Variants in GNAI3 observed in about 807,000 individuals in gnomAD.
The protein encoded by GNAI3 is guanine nucleotide-binding protein G(i) subunit alpha-3.
Under a neutral mutation model 41.8 loss-of-function variants are expected in GNAI3, and 12 were observed. The observed-to-expected ratio is 0.29, with a 90% CI of 0.18 to 0.47. The LOEUF is 0.47. Among genes scored for constraint, GNAI3 ranks in the 20% least tolerant of loss-of-function variants. GNAI3 has a pLI of 1.00. For missense variants in GNAI3, 360 were observed against 429.6 expected (o/e 0.84, Z 1.43); for synonymous variants, 132 against 146.5 (o/e 0.90, Z 0.71).
intron 1 of GNAI3, among the ~76,000 whole-genome samples, chr1:109,572,685 A>G (rs1648636135): frequency 6.6e-6 from 1 of 152,138 alleles, no homozygotes; most frequent in Non-Finnish European, 1.5e-5. Context: ...GTGTGGGGTC[A>G]AGGAAAGTTA....
In GNAI3 at chr1:109,574,036, C is replaced by T. The variant is rs1375149399; in HGVS notation, c.302C>T (p.Ala101Val). ...LKIDFGEAAR[A>V]DDARQLFVLA... ...ATTGACTTTGGGGAAGCTGCCAGGG[C>T]AGTAAGTGTTTCTCATTTCCTCTTC... The change falls in exon 3 of 9, where the codon GCA becomes GTA. Residue 101 changes from alanine to valine, a missense_variant and splice_region_variant. Coordinates refer to ENST00000369851, the MANE Select transcript of GNAI3 (RefSeq NM_006496.4). The T allele has an allele frequency of 6.2e-7, 1 of 1,602,528 alleles. No homozygotes were observed. Among genetic ancestry groups the T allele is most frequent in the South Asian group, 1.1e-5 (1 of 88,526 alleles).
intron 1 of GNAI3, among the ~76,000 whole-genome samples, chr1:109,556,136 C>T (rs1648146166): frequency 6.6e-6 from 1 of 151,816 alleles, no homozygotes; most frequent in Non-Finnish European, 1.5e-5. Flanking sequence ...ACTGCAACCT[C>T]TGCCTCCCAG....
chr1:109,556,444 C>T (rs757323821), intron 1 of GNAI3, among the ~76,000 whole-genome samples: 11 of 152,058 alleles, frequency 7.2e-5, no homozygotes, highest in African/African-American at 1.7e-4. Context: ...GTTCAAAACG[C>T]GGAAGAAAAA....
chr1:109,566,743 A>C (rs557827516), intron 1 of GNAI3, among the ~76,000 whole-genome samples: 9 of 152,252 alleles, frequency 5.9e-5, no homozygotes, highest in African/African-American at 1.7e-4. Flanking sequence ...TTGTATTTTT[A>C]GTAGAGATGA....
chr1:109,563,255 C>T (rs778414989), intron 1 of GNAI3, among the ~76,000 whole-genome samples: 22 of 152,164 alleles, frequency 1.4e-4, no homozygotes, highest in Middle Eastern at 3.2e-3. Context: ...GTGATGTGCA[C>T]CTGTGGTCCC....
rs972730416 is a variant in GNAI3, at chr1:109,596,077, G to A, written c.*3755G>A. 2 of 152,112 alleles carry A rather than the reference G, an allele frequency of 1.3e-5. No individual in the cohort carries two copies. The highest frequency in any genetic ancestry group is 4.8e-5 in the African/African-American group (2 of 41,418). The allele number at this position is 152,112 out of a possible 1,614,324, so 9.4% of individuals were successfully genotyped here. ...AGCTTTATGATCATCATATTTTGTT[G>A]TATTGCTCCCAACAAGCACAAGAGA... On this transcript the variant is annotated 3_prime_UTR_variant, in exon 9 of 9. Transcript: ENST00000369851.
intron 3 of GNAI3, among the ~76,000 whole-genome samples, chr1:109,576,989 TA>T (rs1311541934): frequency 6.8e-6 from 1 of 148,028 alleles, no homozygotes; most frequent in African/African-American, 2.5e-5. Flanking sequence ...TTGAAGTTTC[TA>T]AAATTAGAGT....
chr1:109,555,051 C>T (rs111601054), intron 1 of GNAI3, among the ~76,000 whole-genome samples: 2,340 of 152,214 alleles, frequency 0.015, 68 homozygotes, highest in African/African-American at 0.053. Flanking sequence ...CAAATGGAAA[C>T]ACGTCCCATG....
intron 7 of GNAI3, chr1:109,591,683 A>G (rs1001707638): frequency 1.0e-5 from 4 of 400,182 alleles, no homozygotes; most frequent in African/African-American, 8.3e-5. Flanking sequence ...CAAGGAACAC[A>G]GCCTCTCTCA....
intron 1 of GNAI3, 129 bp from the exon 2 acceptor site, chr1:109,573,608 C>A: frequency 2.9e-6 from 2 of 688,926 alleles, no homozygotes; most frequent in Admixed American, 2.5e-5. Flanking sequence ...TCTTGATAGA[C>A]ATGAAAGCCT....
At chr1:109,579,766 C>T (rs1648839500) in intron 4 of GNAI3, among the ~76,000 whole-genome samples, 1 of 152,164 alleles carries the variant, frequency 6.6e-6, no homozygotes, top group Admixed American at 6.5e-5. Flanking sequence ...CTCTCTGTGT[C>T]TGGGCCGCAC....
At chr1:109,589,079 G>A (rs1649107832) in intron 7 of GNAI3, among the ~76,000 whole-genome samples, 1 of 152,096 alleles carries the variant, frequency 6.6e-6, no homozygotes, top group South Asian at 2.1e-4. Context: ...AGTTATATTC[G>A]AGGTTGAGGA....
intron 1 of GNAI3, among the ~76,000 whole-genome samples, chr1:109,556,476 T>G (rs924928021): frequency 2.0e-5 from 3 of 152,216 alleles, no homozygotes; most frequent in African/African-American, 7.2e-5. Context: ...GTGAAGAGTC[T>G]TTTGGTTCCT....
chr1:109,568,879 A>G (rs1305941502), intron 1 of GNAI3, among the ~76,000 whole-genome samples: 3 of 151,782 alleles, frequency 2.0e-5, no homozygotes, highest in Admixed American at 1.3e-4. Context: ...TTTGGTAGAG[A>G]TGAGGTTTGC....
Position 109,573,717 on chromosome 1 carries a change from C to T in GNAI3, c.119-20C>T. The T allele has an allele frequency of 1.3e-6, 2 of 1,582,488 alleles. No homozygotes were observed. Among genetic ancestry groups the T allele is most frequent in the Non-Finnish European group, 1.7e-6 (2 of 1,151,862 alleles). On this transcript the variant is annotated intron_variant, in intron 1 of 8. Coordinates refer to ENST00000369851, the MANE Select transcript of GNAI3 (RefSeq NM_006496.4). ...TGTTGATTACCGAGAAATTCAAAGT[C>T]TGGTTTTCTTTTCTTACAGGTGCTG...
intron 7 of GNAI3, chr1:109,591,524 AGTT>A (rs1483882230): frequency 1.1e-6 from 1 of 898,660 alleles, no homozygotes; most frequent in African/African-American, 1.7e-5. Context: ...GATCCGACCC[AGTT>A]GTTTTAAAAA....
intron 5 of GNAI3, among the ~76,000 whole-genome samples, chr1:109,583,721 C>T (rs1473662492): frequency 6.6e-6 from 1 of 151,456 alleles, no homozygotes; most frequent in Non-Finnish European, 1.5e-5. Flanking sequence ...GCTGGGAGTA[C>T]AGGTGCGTTG....
chr1:109,562,309 C>T (rs1171268543), intron 1 of GNAI3, among the ~76,000 whole-genome samples: 5 of 152,010 alleles, frequency 3.3e-5, no homozygotes, highest in Non-Finnish European at 5.9e-5. Flanking sequence ...AACTGTACAG[C>T]AGAATGTGTG....
chr1:109,577,269 GTTTTTTTTGT>G (rs1008632189), intron 3 of GNAI3, among the ~76,000 whole-genome samples: 2 of 139,002 alleles, frequency 1.4e-5, no homozygotes, highest in African/African-American at 5.4e-5. Flanking sequence ...TAGCTAAGGT[GTTTTTTTTGT>G]TTTTTTTTTT....
Sources: allele counts gnomAD v4.1 joint callset (sites outside exome capture counted in the v4.1 genomes callset), GRCh38; gene constraint gnomAD v4.1.1; transcripts MANE v1.5; gene names NCBI Gene and HGNC (gene_info 2026-07-23, HGNC 2026-07-21).